PARD3B: variants seen among roughly 807,000 people sequenced by gnomAD.
PARD3B encodes par-3 family cell polarity regulator beta, also known as partitioning defective 3 homolog B.
PARD3B carries 103 observed loss-of-function variants against 130.2 expected under a neutral mutation model. The ratio of observed to expected loss-of-function variants is 0.79; its 90% CI spans 0.67 to 0.93. PARD3B has a LOEUF of 0.93. PARD3B is among the 40% of genes least tolerant of loss of function. PARD3B has a pLI of 0.00. For synonymous variants in PARD3B, 583 were observed against 553.2 expected (o/e 1.05, Z -0.76); for missense variants, 1,609 against 1,499.2 (o/e 1.07, Z -1.21).
chr2:205,523,186 GTTTTCTTACCC>G (rs1220964164), intron 21 of PARD3B, among the ~76,000 whole-genome samples: 132 of 146,552 alleles, frequency 9.0e-4, no homozygotes, highest in African/African-American at 3.0e-3. Flanking sequence ...ACCCTTTTCT[GTTTTCTTACCC>G]CCGTGTACTA....
intron 15 of PARD3B, among the ~76,000 whole-genome samples, chr2:205,219,195 C>A (rs1168770819): frequency 6.6e-6 from 1 of 152,064 alleles, no homozygotes; most frequent in Non-Finnish European, 1.5e-5. Context: ...CTTAATATAA[C>A]TCAATACTTT....
chr2:204,586,649 G>A (rs549530350), intron 1 of PARD3B, among the ~76,000 whole-genome samples: 9 of 152,188 alleles, frequency 5.9e-5, no homozygotes, highest in Admixed American at 5.2e-4. Flanking sequence ...TGTAGGTCTC[G>A]AATTTATGAC....
chr2:205,375,895 A>T (rs1321863438), intron 18 of PARD3B, among the ~76,000 whole-genome samples: 1 of 152,148 alleles, frequency 6.6e-6, no homozygotes. Context: ...ATGAAAGCAC[A>T]CTTGTCCTGC....
chr2:205,561,150 T>C lies in PARD3B; in HGVS notation c.3260+7747T>C, dbSNP rs2053118971. On this transcript the variant is annotated intron_variant, in intron 22 of 22. Coordinates refer to ENST00000406610, the MANE Select transcript of PARD3B (RefSeq NM_001302769.2). Reference sequence around the variant, plus strand: ...TCAACATCCTTTTCTGTCATTTACCTCACTTCTTAAAGATGCTCTCCCTCT... The same window carrying C: ...TCAACATCCTTTTCTGTCATTTACCCCACTTCTTAAAGATGCTCTCCCTCT... Among the ~76,000 whole-genome samples, 3 of 152,172 alleles carry C rather than the reference T, an allele frequency of 2.0e-5. No individual in the cohort carries two copies. In the South Asian group the frequency reaches 6.2e-4, roughly 32 times the overall value.
At chr2:205,299,422 G>A (rs1459950689) in intron 16 of PARD3B, among the ~76,000 whole-genome samples, 2 of 151,594 alleles carry the variant, frequency 1.3e-5, no homozygotes, top group Non-Finnish European at 2.9e-5. Flanking sequence ...AGAAATGCAA[G>A]TAGACTTCAT....
intron 2 of PARD3B, among the ~76,000 whole-genome samples, chr2:204,794,678 T>C (rs1575000479): frequency 6.6e-6 from 1 of 152,236 alleles, no homozygotes; most frequent in South Asian, 2.1e-4. Flanking sequence ...ATTACATTTG[T>C]TTTTTAACAA....
intron 10 of PARD3B, among the ~76,000 whole-genome samples, chr2:205,153,143 C>T (rs539348123): frequency 6.6e-6 from 1 of 152,300 alleles, no homozygotes; most frequent in South Asian, 2.1e-4. Flanking sequence ...GATCCTTCCT[C>T]TGGAAGCTTC....
chr2:205,398,902 ACT>A (rs1293061098), intron 18 of PARD3B, among the ~76,000 whole-genome samples: 2 of 151,998 alleles, frequency 1.3e-5, no homozygotes, highest in Non-Finnish European at 1.5e-5. Context: ...ATGTGAGGAG[ACT>A]CTGATTCTCT....
intron 3 of PARD3B, among the ~76,000 whole-genome samples, chr2:205,005,571 A>G (rs1235167133): frequency 6.6e-6 from 1 of 152,214 alleles, no homozygotes; most frequent in East Asian, 1.9e-4. Flanking sequence ...AGGTTTGTAT[A>G]CTTTTATTGA....
chr2:204,824,169 C>A (rs1307503913), intron 2 of PARD3B, among the ~76,000 whole-genome samples: 2 of 152,226 alleles, frequency 1.3e-5, no homozygotes, highest in Non-Finnish European at 2.9e-5. Context: ...CTGTCTGTCA[C>A]TCTCTGCTCT....
chr2:205,181,817 G>A (rs1376503045), intron 13 of PARD3B, among the ~76,000 whole-genome samples: 4 of 152,164 alleles, frequency 2.6e-5, no homozygotes, highest in Non-Finnish European at 1.5e-5. Context: ...ACATTTACAG[G>A]CATAGATATA....
At chr2:205,220,245 A>G (rs937063702) in intron 15 of PARD3B, among the ~76,000 whole-genome samples, 9 of 152,134 alleles carry the variant, frequency 5.9e-5, no homozygotes, top group African/African-American at 1.9e-4. Context: ...GAACTCATTA[A>G]TGTGGTTTTT....
intron 20 of PARD3B, among the ~76,000 whole-genome samples, chr2:205,488,578 C>A (rs983989625): frequency 3.9e-5 from 6 of 152,280 alleles, no homozygotes; most frequent in Admixed American, 2.6e-4. Flanking sequence ...TTTAGCACTG[C>A]ATTAGATGGC....
chr2:205,551,314 G>A (rs562313270), intron 21 of PARD3B, among the ~76,000 whole-genome samples: 1 of 151,122 alleles, frequency 6.6e-6, no homozygotes, highest in South Asian at 2.1e-4. Flanking sequence ...GTAGGAATGG[G>A]TGAGGACAAT....
At chr2:205,049,726 A>C (rs915081204) in intron 4 of PARD3B, among the ~76,000 whole-genome samples, 9 of 152,196 alleles carry the variant, frequency 5.9e-5, no homozygotes, top group African/African-American at 2.2e-4. Flanking sequence ...AAGACATATT[A>C]TTACTAGCAA....
At chr2:204,865,156 C>T (rs924764559) in intron 2 of PARD3B, among the ~76,000 whole-genome samples, 2 of 152,118 alleles carry the variant, frequency 1.3e-5, no homozygotes, top group Non-Finnish European at 2.9e-5. Context: ...AAAGAGAACA[C>T]TTTTACACTG....
chr2:205,106,079 A>G (rs17284800), intron 5 of PARD3B, among the ~76,000 whole-genome samples: 3,388 of 152,090 alleles, frequency 0.022, 50 homozygotes, highest in South Asian at 0.046. Flanking sequence ...AGCTTTCTTC[A>G]GCTACAGGGA....
chr2:205,200,411 A>G (rs368695671), intron 15 of PARD3B, among the ~76,000 whole-genome samples: 6 of 152,304 alleles, frequency 3.9e-5, no homozygotes, highest in African/African-American at 1.4e-4. Context: ...ATTTTTCTTT[A>G]CAAAACAGGA....
intron 4 of PARD3B, among the ~76,000 whole-genome samples, chr2:205,085,150 A>C (rs1049928937): frequency 9.2e-5 from 14 of 152,042 alleles, no homozygotes; most frequent in African/African-American, 3.1e-4. Flanking sequence ...GTTGGAATTT[A>C]TTATATCTTT....
Sources: allele counts gnomAD v4.1 joint callset (sites outside exome capture counted in the v4.1 genomes callset), GRCh38; gene constraint gnomAD v4.1.1; transcripts MANE v1.5; gene names NCBI Gene and HGNC (gene_info 2026-07-23, HGNC 2026-07-21).